The following AK7 variants were observed in gnomAD, a reference collection of about 807,000 sequenced individuals.
AK7 encodes ATP-AMP transphosphorylase 7.
Under a neutral mutation model 96.6 loss-of-function variants are expected in AK7, and 78 were observed. That is an observed-to-expected ratio of 0.81 (90% confidence interval 0.67 to 0.97). AK7 has a LOEUF of 0.97. AK7 is among the 50% of genes least tolerant of loss of function. The pLI is 0.00. For synonymous variants in AK7, 302 were observed against 317.2 expected, an observed-to-expected ratio of 0.95 and a Z score of 0.51; for missense variants, 855 against 887.9, an observed-to-expected ratio of 0.96 and a Z score of 0.47.
In AK7 at chr14:96,449,890, G is replaced by A. The variant is rs569121479; in HGVS notation, c.948+11G>A. ...ACCAAGGACTTAACGGTTAGTATAT[G>A]CGGTGTTTTTTTTTTTTTAACTATC... is the stretch of plus-strand genomic sequence containing the variant. On this transcript the variant is annotated intron_variant, in intron 9 of 17. Transcript: ENST00000267584. The A allele has an allele frequency of 1.1e-4, 156 of 1,431,102 alleles. 4 individuals are homozygous for A. The South Asian group carries it at 1.8e-3, about 16-fold the overall frequency. 88.7% of individuals were successfully genotyped at this position (1,431,102 alleles called of 1,614,324 possible). A position where few individuals can be genotyped will look rare whatever the true frequency, so the allele number is the denominator to read the frequency against.
intron 4 of AK7, among the ~76,000 whole-genome samples, chr14:96,418,233 G>A (rs1295299221): frequency 6.7e-6 from 1 of 148,728 alleles, no homozygotes; most frequent in Non-Finnish European, 1.5e-5. Flanking sequence ...GAGTCTAGGT[G>A]GACTCAGCTG....
intron 11 of AK7, chr14:96,456,689 T>C: frequency 2.4e-6 from 1 of 415,830 alleles, no homozygotes; most frequent in Non-Finnish European, 4.3e-6. Context: ...TTGGCCACAC[T>C]GGCGTCAGAG....
chr14:96,421,755 G>A lies in AK7; in HGVS notation c.609+823G>A, dbSNP rs534890342. On this transcript the variant is annotated intron_variant, in intron 5 of 17. Coordinates refer to ENST00000267584, the MANE Select transcript of AK7 (RefSeq NM_152327.5). Reference sequence around the variant, plus strand: ...CGGGTAGCTGGGACTACAGGCACGTGCCACCATGCTCGGCTAATTTTTTGT... The same window carrying A: ...CGGGTAGCTGGGACTACAGGCACGTACCACCATGCTCGGCTAATTTTTTGT... Among the ~76,000 whole-genome samples, 6 of 152,096 alleles carry A rather than the reference G, an allele frequency of 3.9e-5. No individual in the cohort carries two copies. The East Asian group carries it at 9.7e-4, about 25-fold the overall frequency.
chr14:96,483,191 C>T lies in AK7; in HGVS notation c.1946C>T (p.Ala649Val). 1 of 1,610,070 alleles carries T rather than the reference C, an allele frequency of 6.2e-7. No homozygotes were observed. Among genetic ancestry groups the T allele is most frequent in the Non-Finnish European group, 8.5e-7 (1 of 1,178,304 alleles). The stretch of plus-strand genomic sequence containing the variant: ...GAGCACCAGGAGGCCGTGGAGATGG[C>T]AGAGAAGATAGCTCGCTGGGAGGAG... ...EREHQEAVEMAEKIARWEEWN... is the reference protein window; with the variant it reads ...EREHQEAVEMVEKIARWEEWN... The change falls in exon 16 of 18, where the codon GCA becomes GTA. Residue 649 changes from alanine (A) to valine (V), a missense_variant. Physicochemically the swap from Ala to Val is moderately conservative, Grantham distance 64. Transcript: ENST00000267584.
At chr14:96,411,718 C>T (rs531983185) in intron 4 of AK7, among the ~76,000 whole-genome samples, 7 of 152,116 alleles carry the variant, frequency 4.6e-5, no homozygotes, top group African/African-American at 7.2e-5. Flanking sequence ...ACAACAAGAC[C>T]GATTACGCAA....
chr14:96,451,663 CAG>C, intron 10 of AK7, 93 bp downstream of exon 10: 1 of 1,248,476 alleles, frequency 8.0e-7, no homozygotes, highest in Non-Finnish European at 1.0e-6. Flanking sequence ...TTTGCTTTTT[CAG>C]ACGTTCAAAT....
chr14:96,429,460 C>A (rs538632893), intron 5 of AK7, among the ~76,000 whole-genome samples: 2 of 152,022 alleles, frequency 1.3e-5, no homozygotes, highest in African/African-American at 4.8e-5. Context: ...TTTTTGGTTC[C>A]GTATGAACTT....
chr14:96,415,802 ATTAAT>A (rs1480224920), intron 4 of AK7, among the ~76,000 whole-genome samples: 3 of 147,952 alleles, frequency 2.0e-5, no homozygotes, highest in South Asian at 2.1e-4. Flanking sequence ...AATTAATTAA[ATTAAT>A]TTAATACATT....
At chr14:96,478,793 G>A in intron 15 of AK7, 131 bp downstream of exon 15, 1 of 842,738 alleles carries the variant, frequency 1.2e-6, no homozygotes, top group Admixed American at 2.1e-5. Flanking sequence ...AGGAAGCCAT[G>A]AAATACACAG....
intron 1 of AK7, among the ~76,000 whole-genome samples, chr14:96,397,555 C>T (rs1890151591): frequency 6.6e-6 from 1 of 151,904 alleles, no homozygotes; most frequent in South Asian, 2.1e-4. Context: ...AACCTCACAG[C>T]ATTTAAATTA....
At chr14:96,403,493 T>C (rs1300167619) in intron 2 of AK7, among the ~76,000 whole-genome samples, 10 of 152,162 alleles carry the variant, frequency 6.6e-5, no homozygotes, top group Non-Finnish European at 1.5e-5. Flanking sequence ...TGCAGATTCA[T>C]CCAAAAGAAT....
chr14:96,474,747 C>T lies in AK7; in HGVS notation c.1555+1992C>T, dbSNP rs547389488. Among the ~76,000 whole-genome samples, 16 of 152,324 alleles carry T rather than the reference C, an allele frequency of 1.1e-4. No homozygotes were observed. The South Asian group carries it at 3.3e-3, about 32-fold the overall frequency. On this transcript the variant is annotated intron_variant, in intron 14 of 17. Transcript: ENST00000267584. ...GTTTATCACTTCTAGGCAATATTCACTCATTGCAAACTCTGTGCTAAATCA... is the reference window on the plus strand; with the variant it reads ...GTTTATCACTTCTAGGCAATATTCATTCATTGCAAACTCTGTGCTAAATCA...
At position 96,408,879 on chromosome 14, in the gene AK7, C is replaced by T. The variant is rs374342939; in HGVS notation, c.436C>T (p.Arg146Ter). The change falls in exon 4 of 18, where the codon CGA becomes TGA. Residue 146 changes from arginine (R) to a stop codon, truncating the protein, a stop_gained. Coordinates refer to ENST00000267584, the MANE Select transcript of AK7 (RefSeq NM_152327.5). LOFTEE classifies it high-confidence loss of function. ...TGAAGAAGTCAGCCACTTTGAAAAG[C>T]GAAAGCTATTTATTTTACTGTCGAC... The part of the protein sequence containing the change: ...LSEEVSHFEK[R>*]KLFILLSTVM... 5.6e-6 allele frequency: 9 copies of T among 1,614,078 alleles called. No homozygotes were observed. The highest frequency in any genetic ancestry group is 4.0e-5 in the African/African-American group (3 of 74,920).
chr14:96,404,705 A>C (rs1890603572), intron 2 of AK7, 52 bp from the exon 3 acceptor site: 1 of 1,221,184 alleles, frequency 8.2e-7, no homozygotes, highest in African/African-American at 1.5e-5. Flanking sequence ...TGAAATATGA[A>C]GGTTACCTTG....
At chr14:96,482,767 G>T (rs1481767610) in intron 15 of AK7, among the ~76,000 whole-genome samples, 2 of 152,140 alleles carry the variant, frequency 1.3e-5, no homozygotes, top group African/African-American at 4.8e-5. Flanking sequence ...TCAAGTCATT[G>T]TTAGAACTCA....
chr14:96,446,889 A>G (rs561813544), intron 8 of AK7, among the ~76,000 whole-genome samples: 10 of 152,194 alleles, frequency 6.6e-5, no homozygotes, highest in African/African-American at 2.4e-4. Context: ...GCAGTGAGCC[A>G]AGATTGTGCC....
intron 2 of AK7, among the ~76,000 whole-genome samples, chr14:96,400,734 T>C (rs932485304): frequency 6.6e-6 from 1 of 152,234 alleles, no homozygotes; most frequent in African/African-American, 2.4e-5. Flanking sequence ...TCTTTGAGTC[T>C]CACTGTCGTG....
chr14:96,457,523 A>G (rs962178033), intron 11 of AK7, among the ~76,000 whole-genome samples: 5 of 152,214 alleles, frequency 3.3e-5, no homozygotes, highest in Admixed American at 6.5e-5. Flanking sequence ...ACAACACTCT[A>G]CAGGGCTGTC....
intron 10 of AK7, among the ~76,000 whole-genome samples, chr14:96,455,040 G>A (rs1197864131): frequency 3.9e-5 from 6 of 151,968 alleles, no homozygotes; most frequent in Non-Finnish European, 7.4e-5. Flanking sequence ...GGTGGCGTGC[G>A]CCTGTAATCC....
Sources: gnomAD v4.1 joint callset for allele counts (sites outside exome capture counted in the v4.1 genomes callset) on GRCh38, gnomAD v4.1.1 for gene constraint, MANE v1.5 for transcripts, NCBI Gene and HGNC (gene_info 2026-07-23, HGNC 2026-07-21) for gene names.